SCN9A: variants seen among roughly 807,000 people sequenced by gnomAD.
SCN9A encodes the protein sodium channel protein type 9 subunit alpha.
SCN9A carries 131 observed loss-of-function variants against 187.0 expected under a neutral mutation model. The ratio of observed to expected loss-of-function variants is 0.70; its 90% confidence interval spans 0.61 to 0.81. The LOEUF (loss-of-function observed/expected upper bound fraction) is 0.81, where lower values mean the gene tolerates loss of function less well. Among genes scored for constraint, SCN9A ranks in the 30% least tolerant of loss-of-function variants. SCN9A has a pLI of 0.00. For synonymous variants in SCN9A, 809 were observed against 808.6 expected, an observed-to-expected ratio of 1.00 and a Z score of -0.01; for missense variants, 2,252 against 2,396.6, an observed-to-expected ratio of 0.94 and a Z score of 1.26.
At chr2:166,270,070 C>T (rs574399530) in intron 17 of SCN9A, among the ~76,000 whole-genome samples, 7 of 152,066 alleles carry the variant, frequency 4.6e-5, no homozygotes, top group South Asian at 2.1e-4. Flanking sequence ...GAAATGAACA[C>T]GGTTTTAAAA....
intron 1 of SCN9A, among the ~76,000 whole-genome samples, chr2:166,354,865 A>C (rs1449664217): frequency 1.3e-5 from 2 of 152,212 alleles, no homozygotes; most frequent in Admixed American, 1.3e-4. Context: ...AAATATAGCA[A>C]ATTTTCATTG....
At chr2:166,342,552 G>A (rs137966449) in intron 1 of SCN9A, among the ~76,000 whole-genome samples, 2 of 152,050 alleles carry the variant, frequency 1.3e-5, no homozygotes, top group East Asian at 1.9e-4. Context: ...TCTACCTCAC[G>A]TTTAGAATAG....
At chr2:166,330,390 A>T (rs1237344929) in intron 1 of SCN9A, among the ~76,000 whole-genome samples, 1 of 152,210 alleles carries the variant, frequency 6.6e-6, no homozygotes, top group East Asian at 1.9e-4. Context: ...TATTGTACAC[A>T]TGAATCTCTA....
chr2:166,360,711 A>C (rs1378494182), intron 1 of SCN9A, among the ~76,000 whole-genome samples: 1 of 152,218 alleles, frequency 6.6e-6, no homozygotes, highest in Non-Finnish European at 1.5e-5. Context: ...TGTCTTATAA[A>C]GTTATCATGT....
intron 9 of SCN9A, among the ~76,000 whole-genome samples, chr2:166,291,330 G>T (rs912655840): frequency 6.6e-6 from 1 of 152,050 alleles, no homozygotes; most frequent in Non-Finnish European, 1.5e-5. Context: ...ATTTGCAATT[G>T]CTATAAAGAG....
intron 1 of SCN9A, among the ~76,000 whole-genome samples, chr2:166,360,272 A>G (rs954891487): frequency 1.3e-5 from 2 of 151,522 alleles, no homozygotes; most frequent in Admixed American, 6.6e-5. Flanking sequence ...TATAATCTTA[A>G]GAAGTGTATT....
At chr2:166,366,491 C>G (rs1700420108) in intron 1 of SCN9A, among the ~76,000 whole-genome samples, 1 of 152,158 alleles carries the variant, frequency 6.6e-6, no homozygotes, top group African/African-American at 2.4e-5. Flanking sequence ...CACAGAAGTG[C>G]ATATATCTCT....
chr2:166,241,859 G>C (rs1220716254), intron 19 of SCN9A, among the ~76,000 whole-genome samples: 1 of 152,090 alleles, frequency 6.6e-6, no homozygotes, highest in Non-Finnish European at 1.5e-5. Context: ...ATACAAATTG[G>C]GTAGTTCTTG....
chr2:166,370,235 A>ATCATCATCATCATCATCATCATC (rs1553507744), intron 1 of SCN9A, among the ~76,000 whole-genome samples: 2 of 137,182 alleles, frequency 1.5e-5, no homozygotes, highest in African/African-American at 5.5e-5. Flanking sequence ...TAATAATAAT[A>ATCATCATCATCATCATCATCATC]ATCATCATCA....
chr2:166,278,375 AATAAT>A (rs774462216), intron 14 of SCN9A, 62 bp from the exon 15 acceptor site: 2 of 1,291,652 alleles, frequency 1.5e-6, no homozygotes, highest in South Asian at 1.4e-5. Context: ...ACACAATGAT[AATAAT>A]CACTGTTTGC....
chr2:166,270,968 A>C (rs1444768458), intron 17 of SCN9A, among the ~76,000 whole-genome samples: 1 of 152,066 alleles, frequency 6.6e-6, no homozygotes, highest in Non-Finnish European at 1.5e-5. Context: ...GCAATCTCAT[A>C]AAAGTAATTT....
chr2:166,269,503 C>A (rs959615104), intron 17 of SCN9A, among the ~76,000 whole-genome samples: 7 of 151,994 alleles, frequency 4.6e-5, no homozygotes, highest in African/African-American at 1.4e-4. Context: ...AGTCACAAGC[C>A]TAGGACTCTT....
intron 24 of SCN9A, among the ~76,000 whole-genome samples, chr2:166,205,529 T>A (rs192012663): frequency 1.7e-3 from 254 of 152,290 alleles, no homozygotes; most frequent in African/African-American, 5.2e-3. Flanking sequence ...GATTAAAGAC[T>A]TAAATGTAAG....
At chr2:166,319,314 CT>C (rs1019576539) in intron 1 of SCN9A, among the ~76,000 whole-genome samples, 1,938 of 141,894 alleles carry the variant, frequency 0.014, 44 homozygotes, top group African/African-American at 0.047. Flanking sequence ...TCCTTTTTAT[CT>C]TTTTTTTTTA....
At chr2:166,252,100 T>C (rs1696070032) in intron 17 of SCN9A, among the ~76,000 whole-genome samples, 1 of 152,044 alleles carries the variant, frequency 6.6e-6, no homozygotes, top group Non-Finnish European at 1.5e-5. Flanking sequence ...TGTAAAATAA[T>C]AAACTTTATT....
At chr2:166,297,691 C>T (rs974218970) in intron 7 of SCN9A, among the ~76,000 whole-genome samples, 7 of 150,412 alleles carry the variant, frequency 4.7e-5, no homozygotes, top group South Asian at 2.1e-4. Context: ...TAGATAGTGG[C>T]GATCGTTGCA....
Position 166,233,449 on chromosome 2 carries a change from G to A in SCN9A, c.3815C>T (p.Thr1272Ile). The change falls in exon 21 of 27, where the codon ACT (threonine) becomes ATT (isoleucine). Residue 1272 changes from threonine (T) to isoleucine (I), a missense_variant. Coordinates refer to ENST00000642356, the MANE Select transcript of SCN9A (RefSeq NM_001365536.1). ...GTAGCCAAGAGTGTTTGCCACTAAA[G>A]TAACCAAAGAAACCTATAAAAATAA... ...DFLIVDVSLV[T>I]LVANTLGYSD... 1 of 1,569,110 alleles carries A rather than the reference G, an allele frequency of 6.4e-7. No individual in the cohort carries two copies. The highest frequency in any genetic ancestry group is 8.6e-7 in the Non-Finnish European group (1 of 1,166,094).
chr2:166,204,250 G>A (rs199731825), intron 25 of SCN9A, 25 bp from the exon 26 acceptor site: 104 of 1,596,698 alleles, frequency 6.5e-5, no homozygotes, highest in African/African-American at 4.7e-4. Flanking sequence ...GAATAATATC[G>A]AATGCAGAGT....
intron 1 of SCN9A, among the ~76,000 whole-genome samples, chr2:166,318,116 A>G (rs899450092): frequency 1.3e-5 from 2 of 152,176 alleles, no homozygotes; most frequent in East Asian, 1.9e-4. Context: ...TCTCCAAGCT[A>G]TCACCAAAAG....
Sources: allele counts gnomAD v4.1 joint callset (sites outside exome capture counted in the v4.1 genomes callset), GRCh38; gene constraint gnomAD v4.1.1; transcripts MANE v1.5; gene names NCBI Gene and HGNC (gene_info 2026-07-23, HGNC 2026-07-21).